Variants in JAK2 observed in about 807,000 individuals in gnomAD.
JAK2 encodes the protein tyrosine-protein kinase JAK2.
A neutral mutation model predicts 139.3 loss-of-function variants in JAK2; 86 were observed. The observed-to-expected ratio is 0.62, with a 90% CI of 0.52 to 0.74. The LOEUF is 0.74. Ranked by LOEUF, JAK2 falls within the 30% of genes least tolerant of loss-of-function variation. JAK2 has a pLI of 0.00. For missense variants in JAK2, 1,421 were observed against 1,360.3 expected, an observed-to-expected ratio of 1.04 and a Z score of -0.70; for synonymous variants, 490 against 437.7, an observed-to-expected ratio of 1.12 and a Z score of -1.49.
At chr9:4,992,434 C>T (rs1194129474) in intron 2 of JAK2, among the ~76,000 whole-genome samples, 2 of 152,162 alleles carry the variant, frequency 1.3e-5, no homozygotes, top group African/African-American at 4.8e-5. Context: ...CAAGTTCACA[C>T]TGCAGAAGAA....
At chr9:5,005,609 T>A (rs190778141) in intron 2 of JAK2, among the ~76,000 whole-genome samples, 1 of 152,340 alleles carries the variant, frequency 6.6e-6, no homozygotes, top group African/African-American at 2.4e-5. Context: ...TGAGAGAGAT[T>A]CCAGTGTAAT....
chr9:4,991,051 C>G (rs1433343456), intron 2 of JAK2, among the ~76,000 whole-genome samples: 2 of 152,132 alleles, frequency 1.3e-5, no homozygotes, highest in Admixed American at 6.5e-5. Flanking sequence ...GAAGGTTAGA[C>G]AAGCCATCTC....
chr9:5,044,331 T>C lies in JAK2; in HGVS notation c.351-72T>C, dbSNP rs77642506. 6.1e-3 allele frequency: 5,352 copies of C among 880,518 alleles called. 220 individuals are homozygous for C. In the African/African-American group the frequency reaches 0.081, roughly 13 times the overall value. The allele number at this position is 880,518 out of a possible 1,614,324, so 54.5% of individuals were successfully genotyped here. A position where few individuals can be genotyped will look rare whatever the true frequency, so the allele number is the denominator to read the frequency against. On this transcript the variant is annotated intron_variant, in intron 4 of 24. Transcript: ENST00000381652. Reference sequence around the variant, plus strand: ...ATAATACCTTTCAGTATGCTGTAGGTGACTATATATAGATAGTACGTTTGT... The same window carrying C: ...ATAATACCTTTCAGTATGCTGTAGGCGACTATATATAGATAGTACGTTTGT...
chr9:5,013,470 C>T (rs746321789), intron 2 of JAK2, among the ~76,000 whole-genome samples: 7 of 152,186 alleles, frequency 4.6e-5, no homozygotes, highest in Non-Finnish European at 1.0e-4. Flanking sequence ...GCTTCTTCTT[C>T]AGACCACTCC....
Position 5,072,245 on chromosome 9 carries a change from CAGG to C in JAK2, c.1642-244_1642-242del, listed in dbSNP as rs532098950. ...TAAAAAGTGACAATTATAGCCCATT[CAGG>C]AGATTTCAAAACCGAGTAGAGCCAA... On this transcript the variant is annotated intron_variant, in intron 12 of 24. Transcript: ENST00000381652. Among the ~76,000 whole-genome samples, 648 of 152,260 alleles carry C rather than the reference CAGG, an allele frequency of 4.3e-3. 1 individual carries two copies. The highest frequency in any genetic ancestry group is 6.1e-3 in the Non-Finnish European group (415 of 68,006).
chr9:5,078,460 AT>A lies in JAK2; in HGVS notation c.2131+18del. ...CCAAAGGACAGTAAGTTCTAGAAGG[AT>A]TATATATAATGTTACTAAGCTTTAC... On this transcript the variant is annotated intron_variant, in intron 16 of 24. Transcript: ENST00000381652. 1 of 1,601,062 alleles carries A rather than the reference AT, an allele frequency of 6.2e-7. No homozygotes were observed. The highest frequency in any genetic ancestry group is 1.7e-4 in the Middle Eastern group (1 of 5,748).
At chr9:5,089,920 T>C in intron 20 of JAK2, 57 bp downstream of exon 20, 1 of 1,206,380 alleles carries the variant, frequency 8.3e-7, no homozygotes, top group Non-Finnish European at 1.1e-6. Flanking sequence ...GCATCCTGTG[T>C]AATATAAATG....
intron 19 of JAK2, chr9:5,086,196 GC>G: frequency 2.0e-5 from 11 of 550,482 alleles, no homozygotes; most frequent in Non-Finnish European, 2.6e-5. Flanking sequence ...CAGCCGCGCC[GC>G]CCCCGCCACC....
chr9:5,104,780 T>A (rs1272960421), intron 22 of JAK2, among the ~76,000 whole-genome samples: 1 of 152,090 alleles, frequency 6.6e-6, no homozygotes, highest in Non-Finnish European at 1.5e-5. Context: ...ACGTAATCCA[T>A]AACATAAACA....
At position 5,054,670 on chromosome 9, in the gene JAK2, G is replaced by T. The variant is rs1209683553; in HGVS notation, c.722G>T (p.Ser241Ile). Residue 241 changes from serine to isoleucine, a missense_variant, in exon 7 of 25, where the codon AGC becomes ATC. Transcript: ENST00000381652. The surrounding 1 kb of genome is among the most constrained non-coding windows in gnomAD (Gnocchi z 4.9). ...TTTCGCAGATTTATTCAGCAATTCA[G>T]CCAATGCAAAGCCACTGCCAGAAAC... ...YRFRRFIQQF[S>I]QCKATARNLK... 1 of 1,613,244 alleles carries T rather than the reference G, an allele frequency of 6.2e-7. No homozygotes were observed. Among genetic ancestry groups the T allele is most frequent in the Non-Finnish European group, 8.5e-7 (1 of 1,179,448 alleles).
intron 2 of JAK2, among the ~76,000 whole-genome samples, chr9:5,020,716 A>T (rs1270877852): frequency 6.6e-6 from 1 of 152,134 alleles, no homozygotes. Context: ...GGCACATACC[A>T]ATATATGGCA....
chr9:5,083,620 TCC>T (rs1819869424), intron 19 of JAK2, among the ~76,000 whole-genome samples: 1 of 152,146 alleles, frequency 6.6e-6, no homozygotes, highest in African/African-American at 2.4e-5. Context: ...TTCCTTTAGA[TCC>T]CAATAGATTA....
intron 5 of JAK2, among the ~76,000 whole-genome samples, chr9:5,048,210 C>T (rs1027816112): frequency 2.0e-5 from 3 of 151,858 alleles, no homozygotes; most frequent in African/African-American, 4.8e-5. Flanking sequence ...GGCGTGATCT[C>T]GGCTCACTGC....
intron 4 of JAK2, among the ~76,000 whole-genome samples, chr9:5,037,462 G>T (rs1315060549): frequency 6.6e-6 from 1 of 152,194 alleles, no homozygotes; most frequent in African/African-American, 2.4e-5. Flanking sequence ...CAAGCTAGAT[G>T]TCCAACAATG....
At chr9:5,056,837 G>C (rs1437436167) in intron 8 of JAK2, among the ~76,000 whole-genome samples, 1 of 152,120 alleles carries the variant, frequency 6.6e-6, no homozygotes, top group Non-Finnish European at 1.5e-5. Context: ...TTTGGACTTG[G>C]CTTAATTTTA....
chr9:5,077,603 C>G, intron 15 of JAK2, 23 bp downstream of exon 15: 1 of 1,410,080 alleles, frequency 7.1e-7, no homozygotes, highest in Non-Finnish European at 9.4e-7. Flanking sequence ...ACCTTTTTAT[C>G]AAAAGATACT....
At chr9:5,094,507 A>T (rs1225317821) in intron 22 of JAK2, 1 of 152,146 alleles carries the variant, frequency 6.6e-6, no homozygotes, top group Non-Finnish European at 1.5e-5. Flanking sequence ...ATATGAAGTC[A>T]CCCTAGCCAT....
chr9:5,114,529 G>T (rs1011473072), intron 22 of JAK2: 2 of 468,096 alleles, frequency 4.3e-6, no homozygotes, highest in Non-Finnish European at 8.4e-6. Flanking sequence ...GAAGAGCCGA[G>T]GAACCAGGAC....
chr9:5,105,147 T>C (rs1186342960), intron 22 of JAK2, among the ~76,000 whole-genome samples: 1 of 152,208 alleles, frequency 6.6e-6, no homozygotes, highest in Non-Finnish European at 1.5e-5. Flanking sequence ...CACGACTGTA[T>C]ATTTAGAAAA....
Sources: allele counts gnomAD v4.1 joint callset (sites outside exome capture counted in the v4.1 genomes callset), GRCh38; gene constraint gnomAD v4.1.1; non-coding constraint Gnocchi (gnomAD v3.1); transcripts MANE v1.5; gene names NCBI Gene and HGNC (gene_info 2026-07-23, HGNC 2026-07-21).